MSH5: variants seen among roughly 807,000 people sequenced by gnomAD.
The protein encoded by MSH5 is mutS protein homolog 5.
MSH5 carries 78 observed loss-of-function variants against 107.7 expected under a neutral mutation model. That is an observed-to-expected ratio of 0.72 (90% CI 0.60 to 0.87). The LOEUF is 0.87. Ranked by LOEUF, MSH5 falls within the 40% of genes least tolerant of loss-of-function variation. MSH5 has a pLI of 0.00. For synonymous variants in MSH5, 326 were observed against 399.5 expected, an observed-to-expected ratio of 0.82 and a Z score of 2.19; for missense variants, 889 against 1,046.6, an observed-to-expected ratio of 0.85 and a Z score of 2.08.
At chr6:31,744,386 G>A in intron 7 of MSH5, 87 bp downstream of exon 7, 4 of 1,575,062 alleles carry the variant, frequency 2.5e-6, no homozygotes, top group Non-Finnish European at 3.5e-6. Context: ...GGATGTGGCT[G>A]TGACCCAGTG....
chr6:31,742,768 G>A, intron 3 of MSH5, 109 bp from the exon 4 acceptor site: 2 of 1,028,258 alleles, frequency 1.9e-6, no homozygotes, highest in Non-Finnish European at 3.0e-6. Context: ...TACTCCTAGG[G>A]AGGAAATGTT....
At position 31,740,518 on chromosome 6, in the gene MSH5, G is replaced by C. The variant is rs1489451150; in HGVS notation, c.52G>C (p.Gly18Arg). The C allele has an allele frequency of 7.1e-6, 11 of 1,556,032 alleles. No homozygotes were observed. The highest frequency in any genetic ancestry group is 9.6e-6 in the Non-Finnish European group (11 of 1,150,206). Residue 18 changes from glycine (G) to arginine (R), a missense_variant, in exon 2 of 25, where the codon GGG becomes CGG. Around this residue, in one of 3 missense-constraint regions of MSH5, gnomAD observed 518 missense variants for 565.0 expected, o/e 0.92. Coordinates refer to ENST00000375750, the MANE Select transcript of MSH5 (RefSeq NM_172166.4). The surrounding 1 kb of genome is among the most constrained non-coding windows in gnomAD (Gnocchi z 4.4). The stretch of plus-strand genomic sequence containing the variant: ...GAGGACACCGCAGGGACCGAGACCT[G>C]GGGCGGCCTCCTCCGGCTTCCCCAG... ...PRRTPQGPRP[G>R]AASSGFPSPA...
intron 10 of MSH5, among the ~76,000 whole-genome samples, chr6:31,752,755 G>A (rs1457092809): frequency 6.7e-6 from 1 of 150,132 alleles, no homozygotes; most frequent in East Asian, 1.9e-4. Context: ...AGACGTTGTT[G>A]AAGCCCCTTA....
rs1405611596 is a variant in MSH5, at chr6:31,759,038, G to A, written c.1327-59G>A. 4.6e-6 allele frequency: 7 copies of A among 1,515,704 alleles called. No homozygotes were observed. The highest frequency in any genetic ancestry group is 1.4e-5 in the African/African-American group (1 of 72,948). The allele number at this position is 1,515,704 out of a possible 1,614,324, so 93.9% of individuals were successfully genotyped here. ...TCTTTTAAGCTCCCTCTAGGGTGGG[G>A]AGGTGTCCAGTAAGTCTCCAAGCAG... On this transcript the variant is annotated intron_variant, in intron 15 of 24. Transcript: ENST00000375750. This position sits in a 1 kb window ranked among gnomAD's most constrained non-coding sequence, Gnocchi z 4.7.
At chr6:31,742,362 A>G (rs1429430612) in intron 3 of MSH5, among the ~76,000 whole-genome samples, 1 of 152,156 alleles carries the variant, frequency 6.6e-6, no homozygotes, top group Non-Finnish European at 1.5e-5. Flanking sequence ...GATTCAAGCA[A>G]TTCTCCTGCC....
chr6:31,740,165 A>G lies in MSH5; in HGVS notation c.-14+103A>G. The G allele has an allele frequency of 3.2e-6, 1 of 308,706 alleles. No individual in the cohort carries two copies. Among genetic ancestry groups the G allele is most frequent in the Non-Finnish European group, 6.0e-6 (1 of 167,734 alleles). The allele number at this position is 308,706 out of a possible 1,614,324, so 19.1% of individuals were successfully genotyped here. On this transcript the variant is annotated intron_variant, in intron 1 of 24. Transcript: ENST00000375750. The surrounding 1 kb of genome is among the most constrained non-coding windows in gnomAD (Gnocchi z 4.4). ...TGGCGCGTGGTTGGCAGAGGCAGAG[A>G]CATAAGACGTGCACGACTCGCCCCA...
Position 31,761,673 on chromosome 6 carries a change from G to A in MSH5, c.2181+58G>A. On this transcript the variant is annotated intron_variant, in intron 22 of 24. Coordinates refer to ENST00000375750, the MANE Select transcript of MSH5 (RefSeq NM_172166.4). The surrounding 1 kb of genome is among the most constrained non-coding windows in gnomAD (Gnocchi z 5.3). ...CCAGGCTGGGCATTTCCCAGAGGTG[G>A]GGATTGGCTCCTCTATCAGAACAAG... 6.2e-7 allele frequency: 1 copy of A among 1,613,390 alleles called. No individual in the cohort carries two copies. Among genetic ancestry groups the A allele is most frequent in the East Asian group, 2.2e-5 (1 of 44,882 alleles).
In MSH5 at chr6:31,753,408, A is replaced by G. The variant is rs1448456133; in HGVS notation, c.920A>G (p.His307Arg). The change falls in exon 11 of 25, where the codon CAT becomes CGT. Residue 307 changes from histidine (H) to arginine (R), a missense_variant. Around this residue, in one of 3 missense-constraint regions of MSH5, gnomAD observed 518 missense variants for 565.0 expected, o/e 0.92. Coordinates refer to ENST00000375750, the MANE Select transcript of MSH5 (RefSeq NM_172166.4). ...AATCTGGACATGGCTCAGATGCTGC[A>G]TCGGCTCCTGGGTCACATCAAGAAC... is the stretch of plus-strand genomic sequence containing the variant. The part of the protein sequence containing the change: ...PQNLDMAQML[H>R]RLLGHIKNVP... The G allele has an allele frequency of 1.9e-6, 3 of 1,613,982 alleles. No individual in the cohort carries two copies. The highest frequency in any genetic ancestry group is 3.3e-5 in the Admixed American group (2 of 59,986).
At position 31,760,616 on chromosome 6, in the gene MSH5, AT is replaced by A; in HGVS notation, c.1813-72del. The A allele has an allele frequency of 6.3e-7, 1 of 1,584,174 alleles. No individual in the cohort carries two copies. Among genetic ancestry groups the A allele is most frequent in the East Asian group, 2.2e-5 (1 of 44,706 alleles). On this transcript the variant is annotated intron_variant, in intron 19 of 24. Coordinates refer to ENST00000375750, the MANE Select transcript of MSH5 (RefSeq NM_172166.4). The surrounding 1 kb of genome is among the most constrained non-coding windows in gnomAD (Gnocchi z 5.6). Reference sequence around the variant, plus strand: ...CCTGTCCATTTCTCTTTGATGTGCCATTCATGCCTTGAGCCTCACTTTCACC... The same window carrying A: ...CCTGTCCATTTCTCTTTGATGTGCCATCATGCCTTGAGCCTCACTTTCACC...
chr6:31,761,453 A>G lies in MSH5; in HGVS notation c.2038-19A>G. 4.3e-6 allele frequency: 7 copies of G among 1,612,302 alleles called. No individual in the cohort carries two copies. Among genetic ancestry groups the G allele is most frequent in the Non-Finnish European group, 5.9e-6 (7 of 1,179,906 alleles). ...GGGGTCCCCATGGCTCCGAATGCTA[A>G]CCTCTGCCCTCTTTGCAGGTGGATG... On this transcript the variant is annotated intron_variant, in intron 21 of 24. Transcript: ENST00000375750. The surrounding 1 kb of genome is among the most constrained non-coding windows in gnomAD (Gnocchi z 5.3).
intron 12 of MSH5, chr6:31,756,958 T>A (rs28745899): frequency 6.6e-6 from 1 of 151,712 alleles, no homozygotes; most frequent in Admixed American, 6.6e-5. Flanking sequence ...TTCCCCAATA[T>A]GGAACGCTTC....
Position 31,759,602 on chromosome 6 carries a change from C to T in MSH5, c.1495+90C>T. The T allele has an allele frequency of 7.0e-7, 1 of 1,429,134 alleles. No individual in the cohort carries two copies. Among genetic ancestry groups the T allele is most frequent in the Non-Finnish European group, 9.7e-7 (1 of 1,026,620 alleles). 88.5% of individuals were successfully genotyped at this position (1,429,134 alleles called of 1,614,324 possible). On this transcript the variant is annotated intron_variant, in intron 17 of 24. Transcript: ENST00000375750. The surrounding 1 kb of genome is among the most constrained non-coding windows in gnomAD (Gnocchi z 4.7). ...GAGGGGAGTGGGCAACTTGGGGATG[C>T]TTCCAACAGGCCCCTCCTCTTCCTG...
At chr6:31,753,662 A>G in intron 12 of MSH5, 33 bp downstream of exon 12, 1 of 1,602,104 alleles carries the variant, frequency 6.2e-7, no homozygotes. Flanking sequence ...CCAAAAGTCC[A>G]GGTAAAGGCC....
In MSH5 at chr6:31,761,645, C is replaced by A. The variant is rs772485621; in HGVS notation, c.2181+30C>A. 1.7e-5 allele frequency: 28 copies of A among 1,613,676 alleles called. No homozygotes were observed. The highest frequency in any genetic ancestry group is 1.9e-5 in the Non-Finnish European group (23 of 1,179,992). On this transcript the variant is annotated intron_variant, in intron 22 of 24. Transcript: ENST00000375750. This position sits in a 1 kb window ranked among gnomAD's most constrained non-coding sequence, Gnocchi z 5.3. ...GGAGACCAATCTAGCTCCTCGGGGACCCCCAGGCTGGGCATTTCCCAGAGG... is the reference window on the plus strand; with the variant it reads ...GGAGACCAATCTAGCTCCTCGGGGAACCCCAGGCTGGGCATTTCCCAGAGG...
At position 31,745,241 on chromosome 6, in the gene MSH5, C is replaced by G. The variant is rs2151340358; in HGVS notation, c.688C>G (p.Leu230Val). The G allele has an allele frequency of 1.2e-6, 2 of 1,608,926 alleles. No individual in the cohort carries two copies. The highest frequency in any genetic ancestry group is 1.7e-6 in the Non-Finnish European group (2 of 1,175,544). ...VNIDQDTYSV[L>V]QIFKSESHPS... is the part of the protein sequence containing the mutation. ...TCCTCCATTTCTCCTCGACAGTGTT[C>G]TACAGATTTTTAAGAGTGAGTCTCA... The change falls in exon 9 of 25, where the codon CTA becomes GTA. Residue 230 changes from leucine to valine, a missense_variant. Transcript: ENST00000375750.
chr6:31,753,828 A>G (rs1054116850), intron 12 of MSH5, 199 bp downstream of exon 12: 3 of 542,724 alleles, frequency 5.5e-6, no homozygotes, highest in Non-Finnish European at 9.9e-6. Flanking sequence ...TCCTGGGTTC[A>G]AGCAATTCTG....
At chr6:31,741,633 T>A (rs1474297326) in intron 3 of MSH5, among the ~76,000 whole-genome samples, 1 of 152,082 alleles carries the variant, frequency 6.6e-6, no homozygotes, top group Non-Finnish European at 1.5e-5. Context: ...CCGCCCACCT[T>A]GGCCTCCTAA....
intron 6 of MSH5, 59 bp from the exon 7 acceptor site, chr6:31,744,131 C>A: frequency 6.3e-7 from 1 of 1,592,788 alleles, no homozygotes; most frequent in Non-Finnish European, 8.5e-7. Flanking sequence ...TTCCCTGGTG[C>A]TCTGCAGCCC....
rs1810876707 is a variant in MSH5, at chr6:31,760,324, C to T, written c.1812+108C>T. ...CAGCTCTTCTCCCATTTTCTGACCC[C>T]GCTCTTCATGAAAGGACCATCACCC... is the stretch of plus-strand genomic sequence containing the variant. On this transcript the variant is annotated intron_variant, in intron 19 of 24. Transcript: ENST00000375750. The surrounding 1 kb of genome is among the most constrained non-coding windows in gnomAD (Gnocchi z 5.6). The T allele has an allele frequency of 9.9e-6, 14 of 1,414,294 alleles. 1 individual carries two copies. Among genetic ancestry groups the T allele is most frequent in the South Asian group, 5.5e-5 (4 of 72,452 alleles). 87.6% of individuals were successfully genotyped at this position (1,414,294 alleles called of 1,614,324 possible).
Sources: gnomAD v4.1 joint callset for allele counts (sites outside exome capture counted in the v4.1 genomes callset) on GRCh38, gnomAD v4.1.1 for gene constraint, gnomAD v4.1.1 regional missense constraint, Gnocchi (gnomAD v3.1) non-coding constraint, MANE v1.5 for transcripts, NCBI Gene and HGNC (gene_info 2026-07-23, HGNC 2026-07-21) for gene names.